PSD3: variants seen among roughly 807,000 people sequenced by gnomAD.
PSD3 encodes the protein PH and SEC7 domain-containing protein 3.
PSD3 carries 49 observed loss-of-function variants against 105.5 expected under a neutral mutation model. The observed-to-expected ratio is 0.46, with a 90% CI of 0.37 to 0.59. The LOEUF (loss-of-function observed/expected upper bound fraction) is 0.59, where lower values mean the gene tolerates loss of function less well. PSD3 is among the 20% of genes least tolerant of loss of function. The probability of loss-of-function intolerance (pLI) is 0.00; values close to 1 mark genes in which losing one functional copy is unlikely to be tolerated. For synonymous variants in PSD3, 557 were observed against 457.8 expected, an observed-to-expected ratio of 1.22 and a Z score of -2.77; for missense variants, 1,561 against 1,263.8, an observed-to-expected ratio of 1.24 and a Z score of -3.57.
chr8:19,078,320 A>G (rs1261588916), intron 1 of PSD3, among the ~76,000 whole-genome samples: 1 of 152,208 alleles, frequency 6.6e-6, no homozygotes, highest in Non-Finnish European at 1.5e-5. Flanking sequence ...TACAAAGTCA[A>G]AGGATGCTGT....
intron 9 of PSD3, among the ~76,000 whole-genome samples, chr8:18,670,054 C>A (rs544834088): frequency 1.3e-4 from 20 of 152,286 alleles, no homozygotes; most frequent in African/African-American, 4.3e-4. Flanking sequence ...CTGTCACTTT[C>A]TGGTAGGCTA....
At chr8:18,790,233 T>G (rs545629100) in intron 8 of PSD3, among the ~76,000 whole-genome samples, 2 of 152,266 alleles carry the variant, frequency 1.3e-5, no homozygotes, top group South Asian at 2.1e-4. Flanking sequence ...GGCAATATGA[T>G]AGTAAATTAT....
chr8:18,926,648 G>C (rs1382681162), intron 2 of PSD3, among the ~76,000 whole-genome samples: 12 of 152,126 alleles, frequency 7.9e-5, no homozygotes, highest in Non-Finnish European at 1.8e-4. Flanking sequence ...CAAGAGTGTG[G>C]AGAAACTGGA....
chr8:19,058,161 A>G (rs1174998046), intron 1 of PSD3, among the ~76,000 whole-genome samples: 1 of 152,148 alleles, frequency 6.6e-6, no homozygotes, highest in Non-Finnish European at 1.5e-5. Context: ...AATCATTGAG[A>G]TTTGCTGAGT....
chr8:18,589,943 C>T (rs7839376), intron 12 of PSD3, among the ~76,000 whole-genome samples: 32,178 of 152,044 alleles, frequency 0.21, 3,917 homozygotes, highest in Non-Finnish European at 0.28. Flanking sequence ...TATTCCCTGC[C>T]ATAACATATT....
intron 9 of PSD3, among the ~76,000 whole-genome samples, chr8:18,765,081 C>G: frequency 6.6e-6 from 1 of 152,156 alleles, no homozygotes; most frequent in East Asian, 1.9e-4. Flanking sequence ...ACAGTTGGAA[C>G]TGTTTCCATT....
intron 15 of PSD3, among the ~76,000 whole-genome samples, chr8:18,541,015 A>C (rs1197078407): frequency 3.3e-5 from 5 of 150,480 alleles, no homozygotes; most frequent in Non-Finnish European, 3.0e-5. Flanking sequence ...CCCCTCCCTC[A>C]CCTCTTTCAG....
chr8:18,788,733 T>C (rs1205931653), intron 8 of PSD3, among the ~76,000 whole-genome samples: 1 of 152,190 alleles, frequency 6.6e-6, no homozygotes, highest in Non-Finnish European at 1.5e-5. Context: ...TACTCTCCCA[T>C]ATGACAATTC....
At chr8:18,866,247 A>T (rs990662965) in intron 4 of PSD3, among the ~76,000 whole-genome samples, 1 of 152,206 alleles carries the variant, frequency 6.6e-6, no homozygotes, top group African/African-American at 2.4e-5. Flanking sequence ...ACTGAGGAGC[A>T]CCGCCTCACG....
chr8:18,536,509 C>T (rs1799854000), intron 15 of PSD3, among the ~76,000 whole-genome samples: 2 of 152,338 alleles, frequency 1.3e-5, no homozygotes, highest in African/African-American at 4.8e-5. Flanking sequence ...CTTCTAGAAG[C>T]TGCTCTGGGT....
At chr8:18,949,688 T>C (rs7001786) in intron 1 of PSD3, among the ~76,000 whole-genome samples, 59,468 of 151,714 alleles carry the variant, frequency 0.39, 11,835 homozygotes, top group Non-Finnish European at 0.41. Flanking sequence ...TGGCTGTTAA[T>C]AAATGAATAT....
intron 11 of PSD3, among the ~76,000 whole-genome samples, chr8:18,617,508 G>A (rs750260802): frequency 6.6e-6 from 1 of 152,144 alleles, no homozygotes; most frequent in African/African-American, 2.4e-5. Context: ...TCCAGCCTGG[G>A]TGACAAGAGC....
At chr8:18,768,332 T>C (rs1242236412) in intron 8 of PSD3, among the ~76,000 whole-genome samples, 1 of 151,746 alleles carries the variant, frequency 6.6e-6, no homozygotes, top group Non-Finnish European at 1.5e-5. Flanking sequence ...AGGCCAGGCA[T>C]GGTGGCTCAT....
At chr8:18,814,233 A>G (rs1812009149) in intron 4 of PSD3, among the ~76,000 whole-genome samples, 1 of 152,196 alleles carries the variant, frequency 6.6e-6, no homozygotes, top group South Asian at 2.1e-4. Context: ...AGCATCACAT[A>G]CAGATTCTGC....
chr8:19,040,290 C>G (rs372513770), intron 1 of PSD3, among the ~76,000 whole-genome samples: 5 of 152,072 alleles, frequency 3.3e-5, no homozygotes, highest in Non-Finnish European at 5.9e-5. Context: ...GCAGCCTTAA[C>G]CTCTTGGGCT....
In PSD3 at chr8:18,589,359, G is replaced by A. The variant is rs534448017; in HGVS notation, c.2481+11005C>T. 7.0e-4 allele frequency among the ~76,000 whole-genome samples: 106 copies of A among 152,200 alleles called. 1 individual carries two copies. In the South Asian group the frequency reaches 0.012, roughly 17 times the overall value. ...TAATGTGAGAATTTTAGAAGGATGC[G>A]GCAAATCATTTACTTTGTGATCTTT... On this transcript the variant is annotated intron_variant, in intron 12 of 15. Coordinates refer to ENST00000327040, the MANE Select transcript of PSD3 (RefSeq NM_015310.4).
At chr8:18,572,810 C>G in intron 13 of PSD3, 138 bp from the exon 14 acceptor site, 2 of 959,918 alleles carry the variant, frequency 2.1e-6, no homozygotes, top group Non-Finnish European at 3.1e-6. Context: ...CCTGACAAAA[C>G]TTCATTAGAG....
intron 9 of PSD3, among the ~76,000 whole-genome samples, chr8:18,715,135 G>A (rs1447950341): frequency 1.3e-5 from 2 of 152,116 alleles, no homozygotes; most frequent in South Asian, 2.1e-4. Flanking sequence ...TGTAGGGGGT[G>A]GGAAGACGGA....
At chr8:18,913,046 G>A (rs1311737428) in intron 2 of PSD3, among the ~76,000 whole-genome samples, 2 of 142,688 alleles carry the variant, frequency 1.4e-5, no homozygotes, top group African/African-American at 2.6e-5. Context: ...AAAAAATCTG[G>A]TTTAATCTAA....
Sources: allele counts gnomAD v4.1 joint callset (sites outside exome capture counted in the v4.1 genomes callset), GRCh38; gene constraint gnomAD v4.1.1; transcripts MANE v1.5; gene names NCBI Gene and HGNC (gene_info 2026-07-23, HGNC 2026-07-21).